The following STPG2 variants were observed in gnomAD, a reference collection of about 807,000 sequenced individuals.
STPG2 encodes sperm-tail PG-rich repeat-containing protein 2.
Under a neutral mutation model 54.2 loss-of-function variants are expected in STPG2, and 56 were observed. That is an observed-to-expected ratio of 1.03 (90% CI 0.83 to 1.29). The LOEUF (loss-of-function observed/expected upper bound fraction) is 1.29, where lower values mean the gene tolerates loss of function less well. Ranked by LOEUF, STPG2 falls within the 50% of genes most tolerant of loss-of-function variation. The pLI, the probability that STPG2 is intolerant of heterozygous loss-of-function variation, is 0.00. For missense variants in STPG2, 596 were observed against 544.9 expected (o/e 1.09, Z -0.93); for synonymous variants, 200 against 181.8 (o/e 1.10, Z -0.81).
chr4:98,099,981 T>C (rs1174179290), intron 5 of STPG2, among the ~76,000 whole-genome samples: 3 of 152,102 alleles, frequency 2.0e-5, no homozygotes, highest in Non-Finnish European at 2.9e-5. Context: ...ACACATTGCA[T>C]ACCTATATCA....
At chr4:97,545,693 A>T (rs2148864556) in intron 4 of STPG2, among the ~76,000 whole-genome samples, 1 of 152,246 alleles carries the variant, frequency 6.6e-6, no homozygotes, top group African/African-American at 2.4e-5. Context: ...AAAAATAATT[A>T]TTTTAATTTT....
At chr4:97,748,713 A>G (rs1407929930) in intron 9 of STPG2, among the ~76,000 whole-genome samples, 1 of 151,734 alleles carries the variant, frequency 6.6e-6, no homozygotes, top group African/African-American at 2.4e-5. Flanking sequence ...CTATATTCTA[A>G]TAGAATTTTT....
chr4:97,865,279 A>G lies in STPG2; in HGVS notation c.1045-24347T>C, dbSNP rs1729724532. 3.9e-5 allele frequency among the ~76,000 whole-genome samples: 6 copies of G among 152,336 alleles called. No homozygotes were observed. The South Asian group carries it at 1.2e-3, about 32-fold the overall frequency. On this transcript the variant is annotated intron_variant, in intron 8 of 10. Transcript: ENST00000295268. ...CAAACAACCCCATCAAAAAGTGGACAAAGGATATGAAAAGACACTTCTCAA... is the reference window on the plus strand; with the variant it reads ...CAAACAACCCCATCAAAAAGTGGACGAAGGATATGAAAAGACACTTCTCAA...
chr4:97,505,954 G>T (rs1391050570), intron 4 of STPG2, among the ~76,000 whole-genome samples: 5 of 128,340 alleles, frequency 3.9e-5, no homozygotes, highest in African/African-American at 5.9e-5. Flanking sequence ...AGCTACTATT[G>T]TTACATAGTT....
chr4:98,124,738 G>T (rs1434095267), intron 3 of STPG2, among the ~76,000 whole-genome samples: 6 of 152,170 alleles, frequency 3.9e-5, no homozygotes, highest in African/African-American at 1.4e-4. Context: ...CTAGTTTGGG[G>T]AAGTTCTCTA....
chr4:97,682,984 G>A (rs1023611920), intron 10 of STPG2, among the ~76,000 whole-genome samples: 1 of 151,786 alleles, frequency 6.6e-6, no homozygotes, highest in Non-Finnish European at 1.5e-5. Flanking sequence ...CCAGCTAACT[G>A]TTGTCATGTA....
chr4:98,052,228 T>C (rs1171284612), intron 5 of STPG2, among the ~76,000 whole-genome samples: 1 of 152,194 alleles, frequency 6.6e-6, no homozygotes, highest in African/African-American at 2.4e-5. Context: ...GCAATCCATG[T>C]AATTTATTGC....
intron 4 of STPG2, among the ~76,000 whole-genome samples, chr4:97,461,301 A>T (rs890709120): frequency 1.9e-4 from 29 of 152,046 alleles, no homozygotes; most frequent in African/African-American, 6.8e-4. Flanking sequence ...AATGGGAATA[A>T]AGTAGTATAA....
chr4:97,532,706 G>A (rs575972960), intron 4 of STPG2, among the ~76,000 whole-genome samples: 6 of 152,266 alleles, frequency 3.9e-5, no homozygotes, highest in African/African-American at 1.4e-4. Flanking sequence ...GCTTATACTG[G>A]TTAGATATGA....
At chr4:97,857,293 T>C (rs1276953880) in intron 8 of STPG2, among the ~76,000 whole-genome samples, 1 of 152,022 alleles carries the variant, frequency 6.6e-6, no homozygotes, top group Non-Finnish European at 1.5e-5. Flanking sequence ...GGTGTTGGGC[T>C]TTTTCTTGGT....
At chr4:97,499,226 T>C (rs572560115) in intron 4 of STPG2, among the ~76,000 whole-genome samples, 1 of 152,056 alleles carries the variant, frequency 6.6e-6, no homozygotes, top group South Asian at 2.1e-4. Context: ...TGTCAGACTT[T>C]TAGATGGGAT....
chr4:97,843,063 A>G (rs1052336706), intron 8 of STPG2, among the ~76,000 whole-genome samples: 14 of 152,072 alleles, frequency 9.2e-5, no homozygotes, highest in Middle Eastern at 3.4e-3. Flanking sequence ...AGGGAAAAAT[A>G]GTATTTGTAG....
At chr4:97,907,080 C>A (rs532118605) in intron 8 of STPG2, among the ~76,000 whole-genome samples, 1 of 151,972 alleles carries the variant, frequency 6.6e-6, no homozygotes, top group Admixed American at 6.6e-5. Context: ...TCAAATTGTC[C>A]CTGTTTGCAG....
intron 4 of STPG2, among the ~76,000 whole-genome samples, chr4:97,448,320 G>T (rs745497747): frequency 1.3e-5 from 2 of 152,150 alleles, no homozygotes; most frequent in African/African-American, 4.8e-5. Flanking sequence ...GGCATGATTT[G>T]TTCTGAAATG....
chr4:97,588,901 T>G (rs1413189552), intron 10 of STPG2, among the ~76,000 whole-genome samples: 1 of 152,150 alleles, frequency 6.6e-6, no homozygotes, highest in Non-Finnish European at 1.5e-5. Flanking sequence ...TCTTAGCATT[T>G]AATTTGTATA....
intron 9 of STPG2, among the ~76,000 whole-genome samples, chr4:97,736,856 G>A (rs534272649): frequency 3.3e-5 from 5 of 152,196 alleles, no homozygotes; most frequent in Non-Finnish European, 7.3e-5. Flanking sequence ...GAAGAGAGCA[G>A]TGGTTCTCCC....
intron 10 of STPG2, among the ~76,000 whole-genome samples, chr4:97,584,414 C>T (rs1484241400): frequency 4.0e-5 from 6 of 151,848 alleles, no homozygotes; most frequent in Non-Finnish European, 7.4e-5. Context: ...GCATTAAATA[C>T]CTACATCAAA....
At chr4:97,705,220 T>C (rs35000521) in intron 10 of STPG2, among the ~76,000 whole-genome samples, 88,713 of 151,964 alleles carry the variant, frequency 0.58, 26,134 homozygotes, top group South Asian at 0.68. Flanking sequence ...CTGTTTCCTT[T>C]GCCTAGAAAA....
chr4:97,768,937 C>G (rs1404469865), intron 9 of STPG2, among the ~76,000 whole-genome samples: 1 of 151,724 alleles, frequency 6.6e-6, no homozygotes, highest in Non-Finnish European at 1.5e-5. Context: ...TGGTCTCTTA[C>G]CAGGCAAAAA....
Sources: allele counts gnomAD v4.1 joint callset (sites outside exome capture counted in the v4.1 genomes callset), GRCh38; gene constraint gnomAD v4.1.1; transcripts MANE v1.5; gene names NCBI Gene and HGNC (gene_info 2026-07-23, HGNC 2026-07-21).